ITIH6: variants seen among roughly 807,000 people sequenced by gnomAD.
The protein encoded by ITIH6 is inter-alpha-trypsin inhibitor heavy chain family member 6, also known as inter-alpha-trypsin inhibitor heavy chain H6.
In ITIH6, 60 loss-of-function variants were observed where a neutral mutation model predicts 58.2. That is an observed-to-expected ratio of 1.03 (90% CI 0.84 to 1.28). ITIH6 has a LOEUF of 1.28. Ranked by LOEUF, ITIH6 falls within the 50% of genes most tolerant of loss-of-function variation. The pLI is 0.00. For synonymous variants in ITIH6, 493 were observed against 417.4 expected (o/e 1.18, Z -2.21); for missense variants, 1,290 against 1,021.1 (o/e 1.26, Z -3.59).
intron 5 of ITIH6, among the ~76,000 whole-genome samples, chrX:54,776,343 A>G (rs375545190): frequency 1.3e-4 from 14 of 110,995 alleles, no homozygotes; most frequent in African/African-American, 4.6e-4. Flanking sequence ...TAGGGCTCTA[A>G]ATAAACTTGA....
chrX:54,754,782 A>G (rs776070394), intron 9 of ITIH6, among the ~76,000 whole-genome samples: 4 of 112,322 alleles, frequency 3.6e-5, no homozygotes, highest in Non-Finnish European at 5.6e-5. Context: ...CTTGATTTCA[A>G]TCTTGTGAGA....
intron 5 of ITIH6, among the ~76,000 whole-genome samples, chrX:54,778,611 GC>G (rs1282723610): frequency 8.9e-6 from 1 of 112,025 alleles, no homozygotes; most frequent in Non-Finnish European, 1.9e-5. Context: ...AGAATAAGAA[GC>G]AATGAAGCAT....
chrX:54,761,212 G>T (rs1221661919), intron 6 of ITIH6, among the ~76,000 whole-genome samples: 5 of 112,309 alleles, frequency 4.5e-5, no homozygotes, highest in Non-Finnish European at 7.5e-5. Flanking sequence ...TTTTTCATAT[G>T]TCTGTTGGCT....
At position 54,768,738 on chromosome X, in the gene ITIH6, C is replaced by T. The variant is rs376631858; in HGVS notation, c.903+5343G>A. On this transcript the variant is annotated intron_variant, in intron 6 of 12. Transcript: ENST00000218436. ...CTCTTCTGGCTTGTAGGGTTTCTGC[C>T]GAGAGATCCGCTGTTAGTCTGATGG... Among the ~76,000 whole-genome samples, 9 of 102,941 alleles carry T rather than the reference C, an allele frequency of 8.7e-5. 1 individual carries two copies. The South Asian group carries it at 3.2e-3, about 36-fold the overall frequency. The allele number at this position is 102,941 out of a possible 115,157, so 89.4% of individuals were successfully genotyped here. A position where few individuals can be genotyped will look rare whatever the true frequency, so the allele number is the denominator to read the frequency against.
chrX:54,788,558 G>A lies in ITIH6; in HGVS notation c.708C>T (p.Ser236=), dbSNP rs775076232. The A allele has an allele frequency of 3.3e-6, 4 of 1,209,522 alleles. No homozygotes were observed. In the Admixed American group the frequency reaches 8.7e-5, roughly 26 times the overall value. ...CAGCCATGATGCCTGACCCAGAGAT[G>A]GACGACTGGTCTTGCAATGTCGGGC... The part of the protein sequence containing the change: ...TYCPTLQDQS[S]ISGSGIMADF... Residue 236 remains serine (S), a synonymous_variant, in exon 5 of 13, where the codon TCC becomes TCT. Coordinates refer to ENST00000218436, the MANE Select transcript of ITIH6 (RefSeq NM_198510.3).
Position 54,791,972 on chromosome X carries a change from C to T in ITIH6, c.322G>A (p.Glu108Lys), listed in dbSNP as rs1314286356. 38 of 1,205,705 alleles carry T rather than the reference C, an allele frequency of 3.2e-5. No individual in the cohort carries two copies. The highest frequency in any genetic ancestry group is 4.0e-5 in the Non-Finnish European group (36 of 891,369). Residue 108 changes from glutamate (E) to lysine (K), a missense_variant, in exon 3 of 13, where the codon GAA (glutamate) becomes AAA (lysine). Transcript: ENST00000218436. ...KEKHQAKKIY[E>K]EAHQQGKTAA... The stretch of plus-strand genomic sequence containing the variant: ...GTCTTTCCCTGCTGATGGGCTTCTT[C>T]ATAGATTTTCTTTGCCTGGTGCTTC...
intron 6 of ITIH6, among the ~76,000 whole-genome samples, chrX:54,762,554 A>T: frequency 8.9e-6 from 1 of 111,811 alleles, no homozygotes; most frequent in Non-Finnish European, 1.9e-5. Context: ...TGCTCTTTAG[A>T]TAGCATACTT....
intron 6 of ITIH6, among the ~76,000 whole-genome samples, chrX:54,773,810 G>A (rs1189149601): frequency 9.0e-6 from 1 of 110,857 alleles, no homozygotes; most frequent in Non-Finnish European, 1.9e-5. Context: ...GCTCTAGCTT[G>A]AGGGTCCTAT....
At position 54,750,072 on chromosome X, in the gene ITIH6, T is replaced by C. The variant is rs1928322972; in HGVS notation, c.3765A>G (p.Thr1255=). ...TTCGTAAGCATGGCCCCATAGGTCC[T>C]GTCACCAGTCGGATGTCTGCGTGCT... is the stretch of plus-strand genomic sequence containing the variant. The part of the protein sequence containing the change: ...QFQHADIRLV[T]GPMGPCLRRH... The change falls in exon 13 of 13, where the codon ACA becomes ACG. Residue 1255 remains threonine (T), a synonymous_variant. Transcript: ENST00000218436. 8.3e-7 allele frequency: 1 copy of C among 1,210,442 alleles called. No individual in the cohort carries two copies. Among genetic ancestry groups the C allele is most frequent in the African/African-American group, 1.7e-5 (1 of 57,804 alleles).
intron 6 of ITIH6, among the ~76,000 whole-genome samples, chrX:54,768,981 C>G (rs1356260587): frequency 4.6e-5 from 5 of 109,440 alleles, no homozygotes; most frequent in Non-Finnish European, 9.5e-5. Context: ...TGTTTTCCAA[C>G]TTGATTCCAT....
chrX:54,759,703 A>T, intron 7 of ITIH6, 53 bp downstream of exon 7: 1 of 1,047,910 alleles, frequency 9.5e-7, no homozygotes, highest in Non-Finnish European at 1.3e-6. Flanking sequence ...GGTTTCAGGA[A>T]TTTCCCATAT....
intron 6 of ITIH6, among the ~76,000 whole-genome samples, chrX:54,762,515 A>C (rs1928670566): frequency 9.0e-6 from 1 of 111,690 alleles, no homozygotes; most frequent in African/African-American, 3.3e-5. Context: ...CTCAGGTTCC[A>C]GTTTAACTCC....
Position 54,757,874 on chromosome X carries a change from C to A in ITIH6, c.2200G>T (p.Gly734Cys). 1 of 1,211,367 alleles carries A rather than the reference C, an allele frequency of 8.3e-7. No homozygotes were observed. Among genetic ancestry groups the A allele is most frequent in the Non-Finnish European group, 1.1e-6 (1 of 895,399 alleles). Residue 734 changes from glycine to cysteine, a missense_variant, in exon 8 of 13, where the codon GGT (glycine) becomes TGT (cysteine). Gly to Cys is a radical substitution (Grantham distance 159). Transcript: ENST00000218436. ...CCGGGCTTCAGAGGCAACAGAGTAC[C>A]AGAATTTGAGGGCACAAGAATGGTA... ...KPTILVPSNSGTLLPLKPGSL... is the reference protein window; with the variant it reads ...KPTILVPSNSCTLLPLKPGSL...
At chrX:54,762,532 C>G (rs1928671079) in intron 6 of ITIH6, among the ~76,000 whole-genome samples, 1 of 111,632 alleles carries the variant, frequency 9.0e-6, no homozygotes, top group Admixed American at 9.5e-5. Context: ...CTCCATAAAC[C>G]TTGCTATTTT....
In ITIH6 at chrX:54,751,037, G is replaced by T; in HGVS notation, c.3696C>A (p.Gly1232=). ...LPHLGFYVAN[G]SGLSPSARGL... ...CACGGGCTGAGGGGCTGAGGCCTGAGCCATTGGCCACGTAGAACCCCAGGT... is the reference window on the plus strand; with the variant it reads ...CACGGGCTGAGGGGCTGAGGCCTGATCCATTGGCCACGTAGAACCCCAGGT... Residue 1232 remains glycine, a synonymous_variant, in exon 12 of 13, where the codon GGC becomes GGA. Transcript: ENST00000218436. The T allele has an allele frequency of 8.5e-7, 1 of 1,182,470 alleles. No homozygotes were observed. The highest frequency in any genetic ancestry group is 1.1e-6 in the Non-Finnish European group (1 of 880,662).
Position 54,781,040 on chromosome X carries a change from T to G in ITIH6, c.787-6843A>C, listed in dbSNP as rs549825998. On this transcript the variant is annotated intron_variant, in intron 5 of 12. Coordinates refer to ENST00000218436, the MANE Select transcript of ITIH6 (RefSeq NM_198510.3). ...GTGGTGGGATAACAGGCAAGCCATT[T>G]GCAGAAAAATGAAACTGGACCCCTT... Among the ~76,000 whole-genome samples, 68 of 111,772 alleles carry G rather than the reference T, an allele frequency of 6.1e-4. 1 individual carries two copies. The highest frequency in any genetic ancestry group is 2.2e-3 in the African/African-American group (67 of 30,797).
rs149869650 is a variant in ITIH6, at chrX:54,790,922, C to T, written c.531G>A (p.Glu177=). ...TGCCTGTCCTTTCTGACACTGTAAC[C>T]TCTATGCTCAGCCTCTTCACCAATT... ...PGQLVKRLSI[E]VTVSERTGIS... Residue 177 remains glutamate (E), a synonymous_variant, in exon 4 of 13, where the codon GAG becomes GAA. Coordinates refer to ENST00000218436, the MANE Select transcript of ITIH6 (RefSeq NM_198510.3). The T allele has an allele frequency of 5.0e-6, 6 of 1,211,067 alleles. No homozygotes were observed. In the African/African-American group the frequency reaches 1.0e-4, roughly 21 times the overall value.
Position 54,765,498 on chromosome X carries a change from C to T in ITIH6, c.904-5571G>A, listed in dbSNP as rs796708708. Among the ~76,000 whole-genome samples the T allele has an allele frequency of 3.7e-5, 4 of 108,412 alleles. No individual in the cohort carries two copies. In the South Asian group the frequency reaches 1.6e-3, roughly 44 times the overall value. The allele number at this position is 108,412 out of a possible 115,157, so 94.1% of individuals were successfully genotyped here. Reference sequence around the variant, plus strand: ...ACATATGGCTAGCCAGTTTTCCCAGCACCATTTATTAAATAGGGAATCATT... The same window carrying T: ...ACATATGGCTAGCCAGTTTTCCCAGTACCATTTATTAAATAGGGAATCATT... On this transcript the variant is annotated intron_variant, in intron 6 of 12. Coordinates refer to ENST00000218436, the MANE Select transcript of ITIH6 (RefSeq NM_198510.3).
intron 3 of ITIH6, among the ~76,000 whole-genome samples, 192 bp from the exon 4 acceptor site, chrX:54,791,276 C>T (rs185522648): frequency 1.9e-4 from 21 of 109,044 alleles, no homozygotes; most frequent in African/African-American, 6.0e-4. Flanking sequence ...TCCCTCCCTC[C>T]CTCATTCAGC....
Sources: gnomAD v4.1 joint callset for allele counts (sites outside exome capture counted in the v4.1 genomes callset) on GRCh38, gnomAD v4.1.1 for gene constraint, MANE v1.5 for transcripts, NCBI Gene and HGNC (gene_info 2026-07-23, HGNC 2026-07-21) for gene names.